Variants in MACROD2 observed in about 807,000 individuals in gnomAD.
The protein encoded by MACROD2 is mono-ADP ribosylhydrolase 2.
Under a neutral mutation model 70.4 loss-of-function variants are expected in MACROD2, and 36 were observed. The observed-to-expected ratio is 0.51, with a 90% confidence interval of 0.39 to 0.68. MACROD2 has a LOEUF of 0.68. Among genes scored for constraint, MACROD2 ranks in the 30% least tolerant of loss-of-function variants. The pLI, the probability that MACROD2 is intolerant of heterozygous loss-of-function variation, is 0.00. For missense variants in MACROD2, 496 were observed against 538.4 expected (o/e 0.92, Z 0.78); for synonymous variants, 172 against 178.8 (o/e 0.96, Z 0.30).
chr20:15,309,537 T>A (rs558551355), intron 6 of MACROD2, among the ~76,000 whole-genome samples: 89 of 152,348 alleles, frequency 5.8e-4, no homozygotes, highest in Non-Finnish European at 2.9e-5. Flanking sequence ...CTTCTTTTAG[T>A]GCCAGCAAGC....
intron 5 of MACROD2, among the ~76,000 whole-genome samples, chr20:14,779,071 G>A (rs997570118): frequency 3.3e-5 from 5 of 152,070 alleles, no homozygotes; most frequent in African/African-American, 1.2e-4. Flanking sequence ...AACCAAAAAT[G>A]TGTGAGTCAG....
intron 5 of MACROD2, among the ~76,000 whole-genome samples, chr20:15,003,358 C>T (rs1024791364): frequency 2.0e-5 from 3 of 152,134 alleles, no homozygotes; most frequent in Non-Finnish European, 4.4e-5. Flanking sequence ...CTTCTAGCTT[C>T]CTTGCCCTGT....
chr20:15,124,509 GC>G (rs200629453), intron 5 of MACROD2, among the ~76,000 whole-genome samples: 5,113 of 151,862 alleles, frequency 0.034, 136 homozygotes, highest in South Asian at 0.11. Flanking sequence ...AAATAAAACA[GC>G]CATGCTGTGT....
At chr20:15,145,958 A>C (rs1412182020) in intron 5 of MACROD2, among the ~76,000 whole-genome samples, 1 of 152,124 alleles carries the variant, frequency 6.6e-6, no homozygotes, top group African/African-American at 2.4e-5. Context: ...AAACATATTA[A>C]TAGTATAAAT....
At chr20:15,714,334 C>A (rs2050676360) in intron 8 of MACROD2, among the ~76,000 whole-genome samples, 2 of 152,230 alleles carry the variant, frequency 1.3e-5, no homozygotes, top group African/African-American at 2.4e-5. Context: ...CTGCCACTAT[C>A]CCTTTCCTGC....
intron 8 of MACROD2, among the ~76,000 whole-genome samples, chr20:15,532,947 G>C (rs2047824521): frequency 6.6e-6 from 1 of 152,106 alleles, no homozygotes; most frequent in South Asian, 2.1e-4. Context: ...CAAGTTCCTG[G>C]ACAATAATTA....
Position 14,085,735 on chromosome 20 carries a change from A to G in MACROD2, c.271+7A>G, listed in dbSNP as rs1161367682. 1 of 1,461,074 alleles carries G rather than the reference A, an allele frequency of 6.8e-7. No homozygotes were observed. Among genetic ancestry groups the G allele is most frequent in the Non-Finnish European group, 9.2e-7 (1 of 1,092,420 alleles). 90.5% of individuals were successfully genotyped at this position (1,461,074 alleles called of 1,614,324 possible). On this transcript the variant is annotated splice_region_variant and intron_variant, in intron 3 of 17. Coordinates refer to ENST00000684519, the MANE Select transcript of MACROD2 (RefSeq NM_001351661.2). ...GATGCTATAGTCAATGCCGGTGAGT[A>G]GTTGATTTTCCTGTGATGTGTTTGT...
At chr20:14,832,732 G>A (rs972190663) in intron 5 of MACROD2, among the ~76,000 whole-genome samples, 1 of 152,094 alleles carries the variant, frequency 6.6e-6, no homozygotes, top group African/African-American at 2.4e-5. Context: ...CTTAATTTCA[G>A]TTCCCTCACA....
intron 15 of MACROD2, among the ~76,000 whole-genome samples, chr20:16,007,843 T>C (rs761506971): frequency 7.2e-5 from 11 of 152,250 alleles, no homozygotes; most frequent in Middle Eastern, 3.4e-3. Context: ...CGAGAGGGTA[T>C]GTACCTAATT....
At chr20:15,787,364 G>A (rs1189388882) in intron 8 of MACROD2, among the ~76,000 whole-genome samples, 2 of 152,116 alleles carry the variant, frequency 1.3e-5, no homozygotes, top group Non-Finnish European at 2.9e-5. Flanking sequence ...TGTTACATGG[G>A]CATATTCTGT....
rs559501697 is a variant in MACROD2 at position 14,802,790 on chromosome 20, A to G, written c.418+117831A>G. Among the ~76,000 whole-genome samples, 895 of 151,832 alleles carry G rather than the reference A, an allele frequency of 5.9e-3. 20 individuals are homozygous for G. The highest frequency in any genetic ancestry group is 0.02 in the African/African-American group (832 of 41,364). ...CACATACACACATACACACACACAC[A>G]CACACACACACACATCCTTGGTGAT... On this transcript the variant is annotated intron_variant, in intron 5 of 17. Transcript: ENST00000684519.
intron 5 of MACROD2, among the ~76,000 whole-genome samples, chr20:15,005,004 G>A (rs548956994): frequency 6.6e-6 from 1 of 152,218 alleles, no homozygotes; most frequent in East Asian, 1.9e-4. Flanking sequence ...AAGTTATTTT[G>A]TCTTTCTAGG....
chr20:15,290,703 T>G (rs2077533997), intron 6 of MACROD2, among the ~76,000 whole-genome samples: 1 of 152,234 alleles, frequency 6.6e-6, no homozygotes, highest in Non-Finnish European at 1.5e-5. Flanking sequence ...AAGCCAGCAT[T>G]ACAAATCCAG....
At chr20:14,204,895 A>C (rs2081510541) in intron 3 of MACROD2, among the ~76,000 whole-genome samples, 1 of 152,014 alleles carries the variant, frequency 6.6e-6, no homozygotes, top group Non-Finnish European at 1.5e-5. Context: ...AGAACTGTAG[A>C]GTCTCATAAG....
At chr20:14,848,904 G>A (rs1211912371) in intron 5 of MACROD2, among the ~76,000 whole-genome samples, 1 of 152,070 alleles carries the variant, frequency 6.6e-6, no homozygotes, top group Non-Finnish European at 1.5e-5. Flanking sequence ...GTAAATTCAT[G>A]GCAATCACAT....
rs141436719 is a variant in MACROD2, at chr20:15,453,478, A to G, written c.571+22043A>G. Among the ~76,000 whole-genome samples the G allele has an allele frequency of 6.6e-3, 1,010 of 152,300 alleles. 33 individuals are homozygous for G. The highest frequency in any genetic ancestry group is 0.051 in the Admixed American group (777 of 15,294). On this transcript the variant is annotated intron_variant, in intron 7 of 17. Coordinates refer to ENST00000684519, the MANE Select transcript of MACROD2 (RefSeq NM_001351661.2). ...CCAGTTCAGGTTAAAACGCTTGTAC[A>G]CTGACTGAATTGACGCCTATCTTTA...
intron 4 of MACROD2, among the ~76,000 whole-genome samples, chr20:14,516,546 T>G (rs1387740559): frequency 1.3e-5 from 2 of 152,186 alleles, no homozygotes; most frequent in African/African-American, 4.8e-5. Context: ...CAGCACAGTT[T>G]ATTAAATAGG....
At chr20:14,204,856 T>A (rs1353993516) in intron 3 of MACROD2, among the ~76,000 whole-genome samples, 3 of 152,074 alleles carry the variant, frequency 2.0e-5, no homozygotes, top group Admixed American at 6.5e-5. Context: ...TCTTGAACCC[T>A]TACCTCAATT....
At chr20:14,896,095 G>A (rs1220693002) in intron 5 of MACROD2, among the ~76,000 whole-genome samples, 1 of 152,240 alleles carries the variant, frequency 6.6e-6, no homozygotes, top group African/African-American at 2.4e-5. Flanking sequence ...AGGAGTTCGA[G>A]ACCAGCCTGG....
Sources: allele counts gnomAD v4.1 joint callset (sites outside exome capture counted in the v4.1 genomes callset), GRCh38; gene constraint gnomAD v4.1.1; transcripts MANE v1.5; gene names NCBI Gene and HGNC (gene_info 2026-07-23, HGNC 2026-07-21).